CNGB3: variants seen among roughly 807,000 people sequenced by gnomAD.
CNGB3 encodes the protein cyclic nucleotide-gated channel beta-3.
CNGB3 carries 86 observed loss-of-function variants against 92.8 expected under a neutral mutation model. The observed-to-expected ratio is 0.93, with a 90% CI of 0.78 to 1.11. The LOEUF (loss-of-function observed/expected upper bound fraction) is 1.11. CNGB3 is among the 50% of genes least tolerant of loss of function. CNGB3 has a pLI of 0.00. For missense variants in CNGB3, 1,026 were observed against 956.8 expected (o/e 1.07, Z -0.95); for synonymous variants, 333 against 332.7 (o/e 1.00, Z -0.01).
chr8:86,586,182 G>A (rs1821885577), intron 15 of CNGB3, among the ~76,000 whole-genome samples: 1 of 152,124 alleles, frequency 6.6e-6, no homozygotes, highest in South Asian at 2.1e-4. Flanking sequence ...TAGATACTCT[G>A]CCAACTTCTG....
intron 15 of CNGB3, among the ~76,000 whole-genome samples, chr8:86,603,233 C>T (rs1297160904): frequency 6.6e-6 from 1 of 152,044 alleles, no homozygotes; most frequent in African/African-American, 2.4e-5. Flanking sequence ...ATCAGTTTTC[C>T]CTGACTGGAC....
chr8:86,579,370 G>A, intron 15 of CNGB3, 118 bp from the exon 16 acceptor site: 1 of 1,185,982 alleles, frequency 8.4e-7, no homozygotes, highest in Non-Finnish European at 1.2e-6. Flanking sequence ...ATTCCCTAGA[G>A]GTGAGGGTCC....
intron 3 of CNGB3, among the ~76,000 whole-genome samples, chr8:86,699,319 T>G (rs1478845262): frequency 6.6e-6 from 1 of 152,114 alleles, no homozygotes; most frequent in African/African-American, 2.4e-5. Flanking sequence ...GGCCATAACT[T>G]TATAAGTAAA....
intron 10 of CNGB3, 101 bp downstream of exon 10, chr8:86,643,650 G>A: frequency 7.7e-7 from 1 of 1,296,716 alleles, no homozygotes; most frequent in Non-Finnish European, 1.1e-6. Flanking sequence ...GCCATTGAAT[G>A]GGTTATGACA....
At chr8:86,593,870 G>A (rs1040899116) in intron 15 of CNGB3, 1 of 705,128 alleles carries the variant, frequency 1.4e-6, no homozygotes, top group Non-Finnish European at 2.5e-6. Flanking sequence ...GGGCAGCATA[G>A]CCAGGTCCTG....
chr8:86,671,688 T>G (rs935148329), intron 3 of CNGB3, among the ~76,000 whole-genome samples: 4 of 152,194 alleles, frequency 2.6e-5, no homozygotes, highest in African/African-American at 4.8e-5. Context: ...GGTCACCTGG[T>G]TAGAATTTCA....
intron 3 of CNGB3, among the ~76,000 whole-genome samples, chr8:86,691,871 AT>A (rs1017664420): frequency 1.7e-4 from 26 of 151,756 alleles, no homozygotes; most frequent in Non-Finnish European, 3.7e-4. Context: ...AATGCTGTGA[AT>A]TTTTTTCTTG....
chr8:86,648,681 A>G (rs1343642382), intron 7 of CNGB3, among the ~76,000 whole-genome samples: 2 of 151,188 alleles, frequency 1.3e-5, no homozygotes, highest in Non-Finnish European at 3.0e-5. Flanking sequence ...TTTTTATTAA[A>G]TTTTACATGG....
chr8:86,673,792 A>ATT (rs11382985), intron 3 of CNGB3, among the ~76,000 whole-genome samples: 1 of 152,024 alleles, frequency 6.6e-6, no homozygotes, highest in Non-Finnish European at 1.5e-5. Context: ...GCATGAAAAA[A>ATT]TTTTTTGTGT....
chr8:86,711,841 A>G (rs866784366), intron 3 of CNGB3, among the ~76,000 whole-genome samples: 4 of 149,666 alleles, frequency 2.7e-5, no homozygotes, highest in African/African-American at 7.4e-5. Context: ...CTCTCTATAT[A>G]TATATATATA....
chr8:86,682,271 G>C (rs752107925), intron 3 of CNGB3, among the ~76,000 whole-genome samples: 1 of 152,144 alleles, frequency 6.6e-6, no homozygotes, highest in African/African-American at 2.4e-5. Flanking sequence ...TTCATGCCCA[G>C]ATGGACTTAC....
chr8:86,619,169 T>C (rs960045917), intron 13 of CNGB3, among the ~76,000 whole-genome samples: 1 of 152,246 alleles, frequency 6.6e-6, no homozygotes, highest in Non-Finnish European at 1.5e-5. Flanking sequence ...AGGATGCGAT[T>C]CTAATGCACG....
chr8:86,578,729 A>G lies in CNGB3; in HGVS notation c.2063T>C (p.Leu688Pro). 6.2e-7 allele frequency: 1 copy of G among 1,614,114 alleles called. No homozygotes were observed. Among genetic ancestry groups the G allele is most frequent in the Non-Finnish European group, 8.5e-7 (1 of 1,180,016 alleles). Residue 688 changes from leucine (L) to proline (P), a missense_variant, in exon 17 of 18, where the codon CTT (leucine) becomes CCT (proline). By Grantham distance (98) the Leu-to-Pro change is moderately conservative. Coordinates refer to ENST00000320005, the MANE Select transcript of CNGB3 (RefSeq NM_019098.5). ...TLLGGTGKAS[L>P]ARLLKLKREQ... is the part of the protein sequence containing the mutation. ...TCGCTTCAATTTGAGTAGTCTTGCA[A>G]GACTTGCTTTTCCTGTGCCTCCTAG...
chr8:86,693,942 G>C (rs533066488), intron 3 of CNGB3, among the ~76,000 whole-genome samples: 1 of 142,490 alleles, frequency 7.0e-6, no homozygotes, highest in Non-Finnish European at 1.5e-5. Context: ...ATCATGGCCC[G>C]TTCTCAATGA....
intron 3 of CNGB3, among the ~76,000 whole-genome samples, chr8:86,724,739 T>A (rs2131670452): frequency 6.6e-6 from 1 of 152,196 alleles, no homozygotes; most frequent in East Asian, 1.9e-4. Context: ...GGTCATATTG[T>A]TATCTGAAGA....
chr8:86,689,153 A>T (rs1824248407), intron 3 of CNGB3, among the ~76,000 whole-genome samples: 1 of 91,250 alleles, frequency 1.1e-5, no homozygotes. Context: ...ATATAATTTC[A>T]TGTTTTTTTT....
At chr8:86,590,708 C>T (rs935248256) in intron 15 of CNGB3, among the ~76,000 whole-genome samples, 22 of 145,284 alleles carry the variant, frequency 1.5e-4, no homozygotes, top group East Asian at 1.2e-3. Context: ...CTGAGAGATC[C>T]GCTGTTAGTC....
chr8:86,588,990 C>A (rs952720252), intron 15 of CNGB3, among the ~76,000 whole-genome samples: 1 of 152,138 alleles, frequency 6.6e-6, no homozygotes, highest in Non-Finnish European at 1.5e-5. Context: ...GGTTGTTAAG[C>A]TATTGAATAT....
chr8:86,654,381 C>A (rs1823462661), intron 6 of CNGB3, among the ~76,000 whole-genome samples: 1 of 152,144 alleles, frequency 6.6e-6, no homozygotes, highest in Non-Finnish European at 1.5e-5. Context: ...TGCATCAAGG[C>A]TAACAGTGCA....
Sources: allele counts gnomAD v4.1 joint callset (sites outside exome capture counted in the v4.1 genomes callset), GRCh38; gene constraint gnomAD v4.1.1; transcripts MANE v1.5; gene names NCBI Gene and HGNC (gene_info 2026-07-23, HGNC 2026-07-21).